DAB1: variants seen among roughly 807,000 people sequenced by gnomAD.
The protein encoded by DAB1 is disabled homolog 1.
A neutral mutation model predicts 64.6 loss-of-function variants in DAB1; 15 were observed. The observed-to-expected ratio is 0.23, with a 90% confidence interval of 0.16 to 0.36. DAB1 has a LOEUF of 0.36. Among genes scored for constraint, DAB1 ranks in the 10% least tolerant of loss-of-function variants. The probability of loss-of-function intolerance (pLI) is 1.00; values close to 1 mark genes in which losing one functional copy is unlikely to be tolerated. For missense variants in DAB1, 596 were observed against 706.7 expected, an observed-to-expected ratio of 0.84 and a Z score of 1.78; for synonymous variants, 235 against 251.9, an observed-to-expected ratio of 0.93 and a Z score of 0.64.
At chr1:57,271,578 C>T (rs1056292476) in intron 2 of DAB1, among the ~76,000 whole-genome samples, 7 of 152,158 alleles carry the variant, frequency 4.6e-5, no homozygotes, top group Non-Finnish European at 7.3e-5. Flanking sequence ...CATCCCTGCC[C>T]TCAGGGGACA....
chr1:57,684,960 CTT>C (rs57208939), intron 6 of DAB1, among the ~76,000 whole-genome samples: 6 of 147,856 alleles, frequency 4.1e-5, no homozygotes, highest in East Asian at 2.0e-4. Flanking sequence ...TTTCTTTTTT[CTT>C]TTTTTTTTTG....
chr1:57,907,922 T>C lies in DAB1; in HGVS notation n.388-23760A>G, dbSNP rs12066026. Reference sequence around the variant, plus strand: ...TTGTTATATATATATAATATATATATACACACACACACACACACACACATA... The same window carrying C: ...TTGTTATATATATATAATATATATACACACACACACACACACACACACATA... On this transcript the variant is annotated intron_variant and non_coding_transcript_variant, in intron 5 of 20. Transcript: ENST00000485760. Among the ~76,000 whole-genome samples the C allele has an allele frequency of 3.7e-3, 536 of 145,490 alleles. 5 individuals are homozygous for C. The highest frequency in any genetic ancestry group is 0.016 in the East Asian group (78 of 4,976).
At chr1:57,721,629 A>G (rs772645923) in intron 6 of DAB1, among the ~76,000 whole-genome samples, 7 of 152,202 alleles carry the variant, frequency 4.6e-5, no homozygotes, top group Non-Finnish European at 8.8e-5. Context: ...TGAGTTCTGA[A>G]TCCAGGCTCT....
intron 7 of DAB1, among the ~76,000 whole-genome samples, chr1:57,576,957 T>C (rs1383056266): frequency 1.3e-5 from 2 of 152,190 alleles, no homozygotes; most frequent in African/African-American, 2.4e-5. Flanking sequence ...AGCTCACCTC[T>C]ACGTGAACCT....
chr1:58,089,369 G>A (rs752287590), intron 5 of DAB1, among the ~76,000 whole-genome samples: 1 of 152,210 alleles, frequency 6.6e-6, no homozygotes, highest in Non-Finnish European at 1.5e-5. Flanking sequence ...ACGAGTACAT[G>A]GCATTTTCTG....
chr1:57,538,342 C>G (rs1479422717), intron 7 of DAB1, among the ~76,000 whole-genome samples: 1 of 152,142 alleles, frequency 6.6e-6, no homozygotes, highest in South Asian at 2.1e-4. Context: ...AACTACTGGA[C>G]ACAGTTGAGG....
intron 1 of DAB1, among the ~76,000 whole-genome samples, chr1:57,833,543 G>A (rs1652683251): frequency 6.6e-6 from 1 of 152,170 alleles, no homozygotes; most frequent in Non-Finnish European, 1.5e-5. Flanking sequence ...GGCAGTGTTG[G>A]GGAACCGAAA....
intron 3 of DAB1, among the ~76,000 whole-genome samples, chr1:58,499,098 G>A (rs1359619813): frequency 6.6e-6 from 1 of 151,942 alleles, no homozygotes. Flanking sequence ...GGATAAATCT[G>A]GAGGACATTA....
intron 8 of DAB1, among the ~76,000 whole-genome samples, chr1:57,066,168 T>C (rs1388525033): frequency 6.6e-6 from 1 of 152,162 alleles, no homozygotes; most frequent in Non-Finnish European, 1.5e-5. Context: ...AGTTTTTGAA[T>C]GAATGAACTT....
chr1:57,284,308 G>A lies in DAB1; in HGVS notation c.67+6656C>T, dbSNP rs552405828. ...CAGCTCACAGTTCTTTAACTACAGCGTGGATGACTAGAGTCAGAATCTCCT... is the reference window on the plus strand; with the variant it reads ...CAGCTCACAGTTCTTTAACTACAGCATGGATGACTAGAGTCAGAATCTCCT... On this transcript the variant is annotated intron_variant, in intron 2 of 14. Coordinates refer to ENST00000371236, the MANE Select transcript of DAB1 (RefSeq NM_001365792.1). 3.9e-5 allele frequency among the ~76,000 whole-genome samples: 6 copies of A among 152,294 alleles called. No homozygotes were observed. In the East Asian group the frequency reaches 9.6e-4, roughly 24 times the overall value.
At chr1:57,365,225 A>T (rs1347067646) in intron 1 of DAB1, among the ~76,000 whole-genome samples, 1 of 142,680 alleles carries the variant, frequency 7.0e-6, no homozygotes, top group Non-Finnish European at 1.5e-5. Context: ...TATTTATGTT[A>T]TATAAAAATA....
intron 2 of DAB1, among the ~76,000 whole-genome samples, chr1:57,196,077 G>A (rs1664599813): frequency 1.3e-5 from 2 of 152,132 alleles, no homozygotes; most frequent in African/African-American, 2.4e-5. Context: ...GGATGAAGAA[G>A]GGCCAAGGAA....
chr1:58,376,369 G>C (rs983751193), intron 3 of DAB1, among the ~76,000 whole-genome samples: 11 of 136,366 alleles, frequency 8.1e-5, no homozygotes, highest in East Asian at 4.1e-4. Flanking sequence ...AGAGATTCTG[G>C]TATGTTGTGT....
chr1:57,949,910 C>A (rs1645246410), intron 5 of DAB1, among the ~76,000 whole-genome samples: 1 of 152,108 alleles, frequency 6.6e-6, no homozygotes, highest in Non-Finnish European at 1.5e-5. Context: ...CCCTTAAATC[C>A]TCAGAAAAGT....
At chr1:57,260,814 C>T (rs946118620) in intron 2 of DAB1, among the ~76,000 whole-genome samples, 24 of 152,282 alleles carry the variant, frequency 1.6e-4, no homozygotes, top group Admixed American at 4.6e-4. Flanking sequence ...CTGGGCAGTT[C>T]TCAGGCCTCC....
intron 6 of DAB1, among the ~76,000 whole-genome samples, chr1:57,655,850 G>A (rs74700270): frequency 0.015 from 2,316 of 152,272 alleles, 58 homozygotes; most frequent in African/African-American, 0.053. Flanking sequence ...AACTTTTGTT[G>A]AAGAACCTCT....
intron 2 of DAB1, among the ~76,000 whole-genome samples, chr1:57,151,417 G>C (rs900715542): frequency 6.6e-6 from 1 of 152,066 alleles, no homozygotes; most frequent in South Asian, 2.1e-4. Flanking sequence ...ATGGAGTTTT[G>C]CTGTAATTTT....
intron 2 of DAB1, among the ~76,000 whole-genome samples, chr1:57,273,592 TTCCTTCCTTCCTTCCTTCCTTCCC>T (rs1558067280): frequency 1.1e-4 from 12 of 113,234 alleles, no homozygotes; most frequent in East Asian, 5.8e-4. Flanking sequence ...CCTTCCTTCC[TTCCTTCCTTCCTTCCTTCCTTCCC>T]TCCCTCCCTC....
intron 4 of DAB1, among the ~76,000 whole-genome samples, chr1:58,320,668 A>G (rs58824792): frequency 0.029 from 4,364 of 152,258 alleles, 225 homozygotes; most frequent in African/African-American, 0.1. Context: ...GGCCCTTACA[A>G]TACTAATTAT....
Sources: allele counts gnomAD v4.1 joint callset (sites outside exome capture counted in the v4.1 genomes callset), GRCh38; gene constraint gnomAD v4.1.1; transcripts MANE v1.5; gene names NCBI Gene and HGNC (gene_info 2026-07-23, HGNC 2026-07-21).